Variants in ROR2 observed in about 807,000 individuals in gnomAD.
The protein encoded by ROR2 is tyrosine-protein kinase transmembrane receptor ROR2.
A neutral mutation model predicts 74.9 loss-of-function variants in ROR2; 33 were observed. That is an observed-to-expected ratio of 0.44 (90% CI 0.33 to 0.59). The LOEUF (loss-of-function observed/expected upper bound fraction) is 0.59, where lower values mean the gene tolerates loss of function less well. ROR2 is among the 20% of genes least tolerant of loss of function. The pLI is 0.02. For synonymous variants in ROR2, 586 were observed against 558.7 expected (o/e 1.05, Z -0.69); for missense variants, 1,216 against 1,313.8 (o/e 0.93, Z 1.15).
chr9:91,893,974 T>C (rs1830481777), intron 1 of ROR2, among the ~76,000 whole-genome samples: 1 of 152,228 alleles, frequency 6.6e-6, no homozygotes, highest in African/African-American at 2.4e-5. Flanking sequence ...TCTGTACCCA[T>C]CAGAGGGTGT....
chr9:91,927,245 C>G (rs948560595), intron 1 of ROR2, among the ~76,000 whole-genome samples: 1 of 152,180 alleles, frequency 6.6e-6, no homozygotes, highest in African/African-American at 2.4e-5. Flanking sequence ...ACAGCTCCCC[C>G]AAAAACCAGG....
chr9:91,870,376 G>A (rs16907922), intron 1 of ROR2, among the ~76,000 whole-genome samples: 2,272 of 152,248 alleles, frequency 0.015, 62 homozygotes, highest in African/African-American at 0.053. Context: ...GGTACACACC[G>A]GGATCAGGGA....
chr9:91,928,851 C>T (rs1283318664), intron 1 of ROR2, among the ~76,000 whole-genome samples: 4 of 152,218 alleles, frequency 2.6e-5, no homozygotes, highest in African/African-American at 9.6e-5. Context: ...AAAATGTGCA[C>T]CCTGCACTTT....
At chr9:91,738,438 G>A (rs1035413077) in intron 4 of ROR2, among the ~76,000 whole-genome samples, 1 of 152,170 alleles carries the variant, frequency 6.6e-6, no homozygotes, top group Non-Finnish European at 1.5e-5. Flanking sequence ...GTGTATACAT[G>A]CACATACCCA....
chr9:91,811,059 G>A (rs948407262), intron 1 of ROR2, among the ~76,000 whole-genome samples: 2 of 152,210 alleles, frequency 1.3e-5, no homozygotes, highest in African/African-American at 2.4e-5. Flanking sequence ...CCCTCTCTTC[G>A]GCCTGAGGAG....
At chr9:91,892,168 C>G (rs1830437468) in intron 1 of ROR2, among the ~76,000 whole-genome samples, 1 of 152,178 alleles carries the variant, frequency 6.6e-6, no homozygotes, top group Admixed American at 6.5e-5. Flanking sequence ...GTGATGAAGC[C>G]AAACTGGCCA....
At chr9:91,939,064 C>T (rs901959405) in intron 1 of ROR2, among the ~76,000 whole-genome samples, 5 of 152,084 alleles carry the variant, frequency 3.3e-5, no homozygotes, top group African/African-American at 7.2e-5. Flanking sequence ...TCCTGGCCAA[C>T]ATGGTGAAAC....
intron 1 of ROR2, among the ~76,000 whole-genome samples, chr9:91,845,413 C>T (rs13299784): frequency 0.022 from 3,405 of 152,220 alleles, 57 homozygotes; most frequent in South Asian, 0.052. Flanking sequence ...TCCATACCAG[C>T]GCACCATCCC....
At chr9:91,941,173 A>G (rs1036780715) in intron 1 of ROR2, among the ~76,000 whole-genome samples, 1 of 150,576 alleles carries the variant, frequency 6.6e-6, no homozygotes, top group African/African-American at 2.4e-5. Context: ...AATTTTTTGT[A>G]TTTTTAGTAG....
chr9:91,744,083 G>A (rs543458609), intron 4 of ROR2, among the ~76,000 whole-genome samples: 52 of 152,190 alleles, frequency 3.4e-4, no homozygotes, highest in Middle Eastern at 6.8e-3. Context: ...CCAGACATAA[G>A]AGTCTCCAAA....
At chr9:91,939,000 C>T (rs1831776935) in intron 1 of ROR2, among the ~76,000 whole-genome samples, 1 of 152,148 alleles carries the variant, frequency 6.6e-6, no homozygotes, top group Non-Finnish European at 1.5e-5. Flanking sequence ...TCTGTAATTC[C>T]AGCACTGTGG....
intron 2 of ROR2, among the ~76,000 whole-genome samples, chr9:91,774,637 G>A (rs1826358863): frequency 6.6e-6 from 1 of 152,172 alleles, no homozygotes; most frequent in Non-Finnish European, 1.5e-5. Flanking sequence ...TGCAGCCAAG[G>A]AGATGAGAAC....
intron 4 of ROR2, among the ~76,000 whole-genome samples, chr9:91,752,426 G>A (rs1825621992): frequency 6.6e-6 from 1 of 152,164 alleles, no homozygotes; most frequent in South Asian, 2.1e-4. Flanking sequence ...ACTGATACAT[G>A]TACAACACAG....
intron 4 of ROR2, among the ~76,000 whole-genome samples, chr9:91,738,908 C>G (rs1463451592): frequency 6.6e-6 from 1 of 152,164 alleles, no homozygotes; most frequent in Non-Finnish European, 1.5e-5. Context: ...TTATTTTCTG[C>G]AGAAACTGTT....
At chr9:91,866,940 G>C (rs1213991608) in intron 1 of ROR2, among the ~76,000 whole-genome samples, 3 of 152,144 alleles carry the variant, frequency 2.0e-5, no homozygotes, top group Non-Finnish European at 4.4e-5. Context: ...CCTCAAAATA[G>C]GGTTGGTGCT....
At chr9:91,891,558 C>T (rs1042386953) in intron 1 of ROR2, among the ~76,000 whole-genome samples, 1 of 152,182 alleles carries the variant, frequency 6.6e-6, no homozygotes, top group Non-Finnish European at 1.5e-5. Flanking sequence ...CGTGAGCTAC[C>T]GCACCCGGCC....
chr9:91,811,489 T>A (rs776039691), intron 1 of ROR2, among the ~76,000 whole-genome samples: 5 of 152,214 alleles, frequency 3.3e-5, no homozygotes, highest in Non-Finnish European at 7.3e-5. Flanking sequence ...ATCTGGGGCC[T>A]TGCTGATCCT....
At chr9:91,745,428 T>G (rs1310949138) in intron 4 of ROR2, among the ~76,000 whole-genome samples, 1 of 125,846 alleles carries the variant, frequency 7.9e-6, no homozygotes, top group Non-Finnish European at 1.8e-5. Flanking sequence ...CCCAGCCTAT[T>G]TTTTTTTTTT....
chr9:91,949,707 C>A (rs1262198386), intron 1 of ROR2, among the ~76,000 whole-genome samples, 160 bp downstream of exon 1: 1 of 152,016 alleles, frequency 6.6e-6, no homozygotes, highest in Non-Finnish European at 1.5e-5. Flanking sequence ...GGGTGCGGGC[C>A]GGGAGCGGCG....
Sources: gnomAD v4.1 joint callset for allele counts (sites outside exome capture counted in the v4.1 genomes callset) on GRCh38, gnomAD v4.1.1 for gene constraint, MANE v1.5 for transcripts, NCBI Gene and HGNC (gene_info 2026-07-23, HGNC 2026-07-21) for gene names.